C6orf89: variants seen among roughly 807,000 people sequenced by gnomAD.
The protein encoded by C6orf89 is chromosome 6 open reading frame 89, also known as bombesin receptor-activated protein C6orf89.
A neutral mutation model predicts 40.7 loss-of-function variants in C6orf89; 29 were observed. The ratio of observed to expected loss-of-function variants is 0.71; its 90% CI spans 0.53 to 0.97. The LOEUF (loss-of-function observed/expected upper bound fraction) is 0.97, where lower values mean the gene tolerates loss of function less well. Ranked by LOEUF, C6orf89 falls within the 50% of genes least tolerant of loss-of-function variation. The pLI, the probability that C6orf89 is intolerant of heterozygous loss-of-function variation, is 0.00. For synonymous variants in C6orf89, 165 were observed against 152.2 expected (o/e 1.08, Z -0.62); for missense variants, 392 against 429.1 (o/e 0.91, Z 0.76).
At chr6:36,914,902 A>C (rs1762260076) in intron 6 of C6orf89, among the ~76,000 whole-genome samples, 1 of 152,242 alleles carries the variant, frequency 6.6e-6, no homozygotes, top group Non-Finnish European at 1.5e-5. Context: ...AGGCATGAGA[A>C]TCACTTGAAC....
chr6:36,919,359 A>C (rs9470436), intron 7 of C6orf89, among the ~76,000 whole-genome samples: 3,616 of 152,220 alleles, frequency 0.024, 119 homozygotes, highest in African/African-American at 0.081. Context: ...AAGAGATTTT[A>C]CTCTGGTCTT....
At chr6:36,888,918 A>T (rs1775093381) in intron 1 of C6orf89, among the ~76,000 whole-genome samples, 1 of 152,104 alleles carries the variant, frequency 6.6e-6, no homozygotes, top group South Asian at 2.1e-4. Context: ...CAGTGGGAGG[A>T]ATGAGTTGAA....
At chr6:36,901,474 A>ACAGGCGCC (rs1413654072) in intron 3 of C6orf89, among the ~76,000 whole-genome samples, 1 of 147,016 alleles carries the variant, frequency 6.8e-6, no homozygotes, top group Non-Finnish European at 1.5e-5. Context: ...AGCTGAGACT[A>ACAGGCGCC]CAGGCGCCCA....
At chr6:36,872,208 T>G (rs900418758) in intron 1 of C6orf89, among the ~76,000 whole-genome samples, 3 of 151,572 alleles carry the variant, frequency 2.0e-5, no homozygotes, top group Non-Finnish European at 2.9e-5. Flanking sequence ...ACCCCTAAAT[T>G]AGGAAAAAAA....
intron 8 of C6orf89, 126 bp downstream of exon 8, chr6:36,919,827 T>C (rs1762453564): frequency 1.0e-6 from 1 of 964,916 alleles, no homozygotes; most frequent in African/African-American, 1.6e-5. Flanking sequence ...AACATTCTCC[T>C]GTTAACAGGC....
At chr6:36,880,738 T>A (rs1289484441) in intron 2 of C6orf89, among the ~76,000 whole-genome samples, 1 of 152,222 alleles carries the variant, frequency 6.6e-6, no homozygotes, top group Non-Finnish European at 1.5e-5. Flanking sequence ...TATATGGAAT[T>A]AGCCATGCCC....
chr6:36,881,730 A>T (rs1459751695), upstream of C6orf89, among the ~76,000 whole-genome samples: 1 of 152,232 alleles, frequency 6.6e-6, no homozygotes, highest in Non-Finnish European at 1.5e-5. Flanking sequence ...CTATGTGTGA[A>T]CATATTGGCT....
intron 1 of C6orf89, chr6:36,874,633 A>G: frequency 1.3e-6 from 2 of 1,545,352 alleles, no homozygotes; most frequent in Non-Finnish European, 8.9e-7. Context: ...GGCCTCCCGG[A>G]GGAACGCGCC....
intron 6 of C6orf89, among the ~76,000 whole-genome samples, chr6:36,915,274 G>T (rs971573157): frequency 4.6e-5 from 7 of 152,186 alleles, no homozygotes; most frequent in Non-Finnish European, 1.0e-4. Flanking sequence ...GTAGAATGGG[G>T]CCTCATGCAG....
rs1362748895 is a variant in C6orf89 at position 36,916,545 on chromosome 6, C to T, written c.796C>T (p.Leu266Phe). ...KDASLNKCSF[L>F]HPEPVVGSKM... ...TGCCTCTTTAAACAAGTGCTCCTTTCTTCACCCAGAACCTGTTGTGGGGAG... is the reference window on the plus strand; with the variant it reads ...TGCCTCTTTAAACAAGTGCTCCTTTTTTCACCCAGAACCTGTTGTGGGGAG... Residue 266 changes from leucine to phenylalanine, a missense_variant, in exon 7 of 9, where the codon CTT (leucine) becomes TTT (phenylalanine). Leu to Phe is a conservative substitution (Grantham distance 22). Transcript: ENST00000480824. 1 of 1,614,192 alleles carries T rather than the reference C, an allele frequency of 6.2e-7. No individual in the cohort carries two copies. Among genetic ancestry groups the T allele is most frequent in the Non-Finnish European group, 8.5e-7 (1 of 1,180,030 alleles).
intron 4 of C6orf89, among the ~76,000 whole-genome samples, chr6:36,904,761 G>A (rs935917217): frequency 5.9e-5 from 9 of 152,108 alleles, no homozygotes; most frequent in Admixed American, 3.3e-4. Flanking sequence ...ACAGATTCCC[G>A]AAAGGAAACC....
At chr6:36,919,793 G>A in intron 8 of C6orf89, 92 bp downstream of exon 8, 11 of 1,310,366 alleles carry the variant, frequency 8.4e-6, no homozygotes, top group Non-Finnish European at 1.1e-5. Context: ...CTTCACAAAA[G>A]TTTTATTTAG....
intron 4 of C6orf89, among the ~76,000 whole-genome samples, chr6:36,909,291 G>A (rs372196663): frequency 5.3e-5 from 8 of 150,810 alleles, no homozygotes; most frequent in Non-Finnish European, 8.8e-5. Flanking sequence ...AAATGGACTC[G>A]CTGAGTCAAA....
intron 4 of C6orf89, among the ~76,000 whole-genome samples, chr6:36,906,411 C>T (rs1761928841): frequency 3.3e-5 from 5 of 152,202 alleles, no homozygotes. Context: ...AAGGTAGATA[C>T]TGTTTTTATG....
intron 4 of C6orf89, among the ~76,000 whole-genome samples, chr6:36,903,227 G>T (rs1178111723): frequency 3.4e-5 from 3 of 88,408 alleles, no homozygotes; most frequent in African/African-American, 1.3e-4. Context: ...CTCCAATTTT[G>T]TGTGTGTGTG....
At chr6:36,915,799 C>G (rs1046106858) in intron 6 of C6orf89, among the ~76,000 whole-genome samples, 3 of 152,078 alleles carry the variant, frequency 2.0e-5, no homozygotes, top group Admixed American at 1.3e-4. Flanking sequence ...CAGCCAGGAT[C>G]GAAACCCCAG....
In C6orf89 at chr6:36,899,506, T is replaced by G; in HGVS notation, c.62T>G (p.Val21Gly). The G allele has an allele frequency of 6.2e-7, 1 of 1,614,116 alleles. No homozygotes were observed. The highest frequency in any genetic ancestry group is 8.5e-7 in the Non-Finnish European group (1 of 1,180,008). Residue 21 changes from valine to glycine, a missense_variant, in exon 3 of 9, where the codon GTG becomes GGG. Physicochemically the swap from Val to Gly is moderately radical, Grantham distance 109. Transcript: ENST00000480824. Reference sequence around the variant, plus strand: ...AAACTTTCAGAGACTGTTGATTTGGTGAGACAGACCGGCCATCAGTGTGGC... The same window carrying G: ...AAACTTTCAGAGACTGTTGATTTGGGGAGACAGACCGGCCATCAGTGTGGC... ...YDKLSETVDL[V>G]RQTGHQCGMS...
chr6:36,896,339 C>G (rs1158742264), intron 2 of C6orf89, among the ~76,000 whole-genome samples: 1 of 152,190 alleles, frequency 6.6e-6, no homozygotes, highest in African/African-American at 2.4e-5. Flanking sequence ...AACTCCTGAC[C>G]TCAAGTGATC....
chr6:36,916,293 A>G (rs1762318962), intron 6 of C6orf89, 152 bp from the exon 7 acceptor site: 3 of 746,638 alleles, frequency 4.0e-6, no homozygotes, highest in Non-Finnish European at 6.5e-6. Flanking sequence ...CTGTGCAACT[A>G]TTCTTCAGGG....
Sources: gnomAD v4.1 joint callset for allele counts (sites outside exome capture counted in the v4.1 genomes callset) on GRCh38, gnomAD v4.1.1 for gene constraint, MANE v1.5 for transcripts, NCBI Gene and HGNC (gene_info 2026-07-23, HGNC 2026-07-21) for gene names.